Variants in SHANK2 observed in about 807,000 individuals in gnomAD.
SHANK2 encodes the protein SH3 and multiple ankyrin repeat domains protein 2.
Under a neutral mutation model 133.7 loss-of-function variants are expected in SHANK2, and 43 were observed. That is an observed-to-expected ratio of 0.32 (90% CI 0.25 to 0.41). The LOEUF (loss-of-function observed/expected upper bound fraction) is 0.41. Among genes scored for constraint, SHANK2 ranks in the 10% least tolerant of loss-of-function variants. SHANK2 has a pLI of 1.00. For missense variants in SHANK2, 1,994 were observed against 2,235.8 expected (o/e 0.89, Z 2.18); for synonymous variants, 1,017 against 952.8 (o/e 1.07, Z -1.24).
At chr11:71,063,027 T>G (rs1340499985) in intron 9 of SHANK2, among the ~76,000 whole-genome samples, 552 of 94,230 alleles carry the variant, frequency 5.9e-3, no homozygotes, top group Middle Eastern at 0.013. Context: ...AGATAGAGAG[T>G]AAGAGAGAAA....
At chr11:70,758,901 C>T (rs1303140796) in intron 14 of SHANK2, among the ~76,000 whole-genome samples, 5 of 152,150 alleles carry the variant, frequency 3.3e-5, no homozygotes, top group African/African-American at 1.2e-4. Context: ...TGGCTCACGC[C>T]TGTAATCCCA....
intron 17 of SHANK2, among the ~76,000 whole-genome samples, chr11:70,559,471 A>G (rs1405554167): frequency 6.6e-6 from 1 of 152,088 alleles, no homozygotes; most frequent in Non-Finnish European, 1.5e-5. Context: ...TTTTCACCTC[A>G]AATCACTTAC....
At chr11:70,846,215 A>G (rs1440951883) in intron 11 of SHANK2, among the ~76,000 whole-genome samples, 3 of 152,008 alleles carry the variant, frequency 2.0e-5, no homozygotes, top group African/African-American at 4.8e-5. Context: ...AGGGGTTCCT[A>G]GGAGGACAAC....
At chr11:70,629,488 G>A (rs2060951931) in intron 17 of SHANK2, among the ~76,000 whole-genome samples, 1 of 152,214 alleles carries the variant, frequency 6.6e-6, no homozygotes, top group African/African-American at 2.4e-5. Context: ...CCTGGCGGGA[G>A]AGGGAGGTCT....
At chr11:70,777,225 A>C (rs1277799475) in intron 14 of SHANK2, among the ~76,000 whole-genome samples, 2 of 151,108 alleles carry the variant, frequency 1.3e-5, no homozygotes, top group Non-Finnish European at 3.0e-5. Context: ...CCATCCATCT[A>C]TCCTCCCAGC....
chr11:70,518,892 A>C (rs1197865619), intron 17 of SHANK2, among the ~76,000 whole-genome samples: 4 of 152,006 alleles, frequency 2.6e-5, no homozygotes. Flanking sequence ...CTCCTTCTCC[A>C]CTTACTAGTT....
At chr11:71,080,541 A>G (rs941364570) in intron 8 of SHANK2, among the ~76,000 whole-genome samples, 9 of 152,156 alleles carry the variant, frequency 5.9e-5, no homozygotes, top group Non-Finnish European at 1.2e-4. Context: ...GGGGAGCAGC[A>G]CAGGTCGGCT....
chr11:70,559,058 A>C (rs189018906), intron 17 of SHANK2, among the ~76,000 whole-genome samples: 1 of 152,282 alleles, frequency 6.6e-6, no homozygotes, highest in Admixed American at 6.5e-5. Context: ...TCTTTCTGTC[A>C]TCCAGGCTGG....
Position 70,793,811 on chromosome 11 carries a change from A to G in SHANK2, c.1777+4632T>C, listed in dbSNP as rs142500502. ...TGAAAATGTTATCATACAACCCAGC[A>G]GTTTTCTACCTAGAGAAATAAAAAT... On this transcript the variant is annotated intron_variant, in intron 14 of 25. Transcript: ENST00000601538. 1.8e-4 allele frequency among the ~76,000 whole-genome samples: 28 copies of G among 152,324 alleles called. 1 individual carries two copies. The East Asian group carries it at 4.8e-3, about 26-fold the overall frequency.
chr11:70,707,047 G>A (rs1372225102), intron 14 of SHANK2, among the ~76,000 whole-genome samples: 1 of 152,108 alleles, frequency 6.6e-6, no homozygotes, highest in Non-Finnish European at 1.5e-5. Context: ...TTTAAGGATG[G>A]GTTGGGAGGA....
chr11:71,153,852 C>T (rs2135435571), intron 2 of SHANK2, among the ~76,000 whole-genome samples: 1 of 151,994 alleles, frequency 6.6e-6, no homozygotes, highest in East Asian at 1.9e-4. Context: ...CGCCTGTAAT[C>T]CCAGCTACTT....
rs182173385 is a variant in SHANK2 at position 70,471,023 on chromosome 11, T to C, written c.*1846A>G. On this transcript the variant is annotated 3_prime_UTR_variant, in exon 26 of 26. Coordinates refer to ENST00000601538, the MANE Select transcript of SHANK2 (RefSeq NM_012309.5). The surrounding 1 kb of genome is among the most constrained non-coding windows in gnomAD (Gnocchi z 4.1). ...AAATAAGGTTGATTTAAAAAGGTCATACTTTTATAATTATTCCACAGAAAT... is the reference window on the plus strand; with the variant it reads ...AAATAAGGTTGATTTAAAAAGGTCACACTTTTATAATTATTCCACAGAAAT... 8.7e-6 allele frequency: 3 copies of C among 343,124 alleles called. No homozygotes were observed. Among genetic ancestry groups the C allele is most frequent in the East Asian group, 8.5e-5 (2 of 23,658 alleles). The allele number at this position is 343,124 out of a possible 1,614,324, so 21.3% of individuals were successfully genotyped here. A position where few individuals can be genotyped will look rare whatever the true frequency, so the allele number is the denominator to read the frequency against.
At chr11:70,786,357 G>A (rs1555046472) in intron 14 of SHANK2, among the ~76,000 whole-genome samples, 1 of 152,170 alleles carries the variant, frequency 6.6e-6, no homozygotes, top group Non-Finnish European at 1.5e-5. Flanking sequence ...GAGCAGGAGT[G>A]ACAATGACCT....
intron 2 of SHANK2, among the ~76,000 whole-genome samples, chr11:71,153,776 G>T (rs1952848712): frequency 6.6e-6 from 1 of 152,136 alleles, no homozygotes; most frequent in Non-Finnish European, 1.5e-5. Context: ...TTTGAGACCA[G>T]CCGGTCAACA....
rs1319359397 is a variant in SHANK2, at chr11:71,252,189, A to G, written c.-113+236T>C. On this transcript the variant is annotated intron_variant, in intron 1 of 25. Coordinates refer to ENST00000601538, the MANE Select transcript of SHANK2 (RefSeq NM_012309.5). The surrounding 1 kb of genome is among the most constrained non-coding windows in gnomAD (Gnocchi z 6.3). ...GACACCGGCCCCTGCCCGGGAAGAA[A>G]GGCATGCAGGGGGAAGGGCTCTCTA... Among the ~76,000 whole-genome samples the G allele has an allele frequency of 2.0e-5, 3 of 152,010 alleles. No homozygotes were observed. The highest frequency in any genetic ancestry group is 7.2e-5 in the African/African-American group (3 of 41,400).
chr11:70,658,447 GGTGGTGC>G (rs2061439708), intron 17 of SHANK2, among the ~76,000 whole-genome samples: 5 of 152,126 alleles, frequency 3.3e-5, no homozygotes, highest in Non-Finnish European at 7.3e-5. Flanking sequence ...CTGTCATTCT[GGTGGTGC>G]ACCCGACAGT....
intron 1 of SHANK2, among the ~76,000 whole-genome samples, chr11:71,245,634 G>T (rs182137825): frequency 6.6e-6 from 1 of 152,188 alleles, no homozygotes; most frequent in Admixed American, 6.5e-5. Flanking sequence ...GTGGGCAGCC[G>T]CCAGGTGTGG....
chr11:70,725,840 T>C (rs1289303078), intron 14 of SHANK2, among the ~76,000 whole-genome samples: 1 of 152,102 alleles, frequency 6.6e-6, no homozygotes, highest in Non-Finnish European at 1.5e-5. Flanking sequence ...TACAGAAGCA[T>C]GGGGGGAAGA....
chr11:70,674,431 C>A (rs1944871063), intron 15 of SHANK2, among the ~76,000 whole-genome samples: 1 of 152,090 alleles, frequency 6.6e-6, no homozygotes. Flanking sequence ...TCACTGCAAC[C>A]TCCAACTCCC....
Sources: gnomAD v4.1 joint callset for allele counts (sites outside exome capture counted in the v4.1 genomes callset) on GRCh38, gnomAD v4.1.1 for gene constraint, Gnocchi (gnomAD v3.1) non-coding constraint, MANE v1.5 for transcripts, NCBI Gene and HGNC (gene_info 2026-07-23, HGNC 2026-07-21) for gene names.